SGCD: variants seen among roughly 807,000 people sequenced by gnomAD.
SGCD encodes delta-sarcoglycan.
Under a neutral mutation model 36.6 loss-of-function variants are expected in SGCD, and 18 were observed. That is an observed-to-expected ratio of 0.49 (90% confidence interval 0.34 to 0.73). The LOEUF is 0.73. Ranked by LOEUF, SGCD falls within the 30% of genes least tolerant of loss-of-function variation. SGCD has a pLI of 0.01. For synonymous variants in SGCD, 133 were observed against 130.6 expected (o/e 1.02, Z -0.12); for missense variants, 387 against 346.7 (o/e 1.12, Z -0.92).
chr5:156,655,554 T>C (rs951614057), intron 7 of SGCD, among the ~76,000 whole-genome samples: 7 of 152,146 alleles, frequency 4.6e-5, no homozygotes, highest in Admixed American at 4.6e-4. Flanking sequence ...AAAAACAAAA[T>C]GCTTTTCTCC....
chr5:156,667,774 A>G (rs1753113223), intron 7 of SGCD, among the ~76,000 whole-genome samples: 1 of 152,186 alleles, frequency 6.6e-6, no homozygotes, highest in Admixed American at 6.5e-5. Flanking sequence ...CTCAACAAAT[A>G]TTAGTTTTTT....
intron 3 of SGCD, among the ~76,000 whole-genome samples, chr5:156,220,482 T>C (rs1345026896): frequency 6.6e-6 from 1 of 152,210 alleles, no homozygotes; most frequent in African/African-American, 2.4e-5. Flanking sequence ...GAATACCATA[T>C]TGTGTCTTAA....
chr5:156,267,658 T>A (rs183496732), intron 3 of SGCD, among the ~76,000 whole-genome samples: 133 of 152,314 alleles, frequency 8.7e-4, no homozygotes, highest in Admixed American at 7.1e-3. Context: ...GGACAGCAAC[T>A]GATACACACT....
intron 1 of SGCD, among the ~76,000 whole-genome samples, chr5:155,892,459 GAAAAAAAA>G (rs70981989): frequency 3.2e-5 from 3 of 94,312 alleles, no homozygotes; most frequent in Admixed American, 1.3e-4. Context: ...ATCTGAAAAA[GAAAAAAAA>G]AAAAAAAAAA....
chr5:156,447,881 T>C (rs1162527285), intron 3 of SGCD, among the ~76,000 whole-genome samples: 1 of 152,204 alleles, frequency 6.6e-6, no homozygotes, highest in African/African-American at 2.4e-5. Flanking sequence ...AAGTGCTTTA[T>C]GATTGTATTT....
chr5:156,083,688 T>C (rs2127592203), intron 1 of SGCD, among the ~76,000 whole-genome samples: 1 of 152,194 alleles, frequency 6.6e-6, no homozygotes, highest in African/African-American at 2.4e-5. Flanking sequence ...TTTTCTCCTT[T>C]TTTCCTAAAA....
intron 1 of SGCD, among the ~76,000 whole-genome samples, chr5:155,896,472 C>CAA (rs34729768): frequency 8.8e-5 from 11 of 125,156 alleles, no homozygotes; most frequent in South Asian, 2.6e-4. Flanking sequence ...CCTGTCTCTA[C>CAA]AAAAAAAAAA....
chr5:155,980,461 G>T (rs1029712901), intron 1 of SGCD, among the ~76,000 whole-genome samples: 3 of 151,472 alleles, frequency 2.0e-5, no homozygotes, highest in African/African-American at 7.3e-5. Context: ...GGTGGCAGAC[G>T]CCTGTAGACC....
At chr5:156,689,903 C>T (rs1754047087) in intron 7 of SGCD, among the ~76,000 whole-genome samples, 1 of 152,176 alleles carries the variant, frequency 6.6e-6, no homozygotes, top group East Asian at 1.9e-4. Context: ...TTATTTATAG[C>T]AGCCTAGAGA....
At position 155,904,339 on chromosome 5, in the gene SGCD, A is replaced by G. The variant is rs112327002; in HGVS notation, c.-282+33915A>G. The stretch of plus-strand genomic sequence containing the variant: ...GGCTTCTTTGCAGAGCTTCAACCTC[A>G]TTTGTAAAAATTGTGGCAAAATACA... On this transcript the variant is annotated intron_variant, in intron 1 of 9. Transcript: ENST00000517913. 4.6e-3 allele frequency among the ~76,000 whole-genome samples: 706 copies of G among 152,322 alleles called. 2 individuals carry two copies. The highest frequency in any genetic ancestry group is 6.4e-3 in the Non-Finnish European group (435 of 68,022).
At chr5:156,124,103 C>G (rs1163401298) in intron 3 of SGCD, 1 of 152,146 alleles carries the variant, frequency 6.6e-6, no homozygotes, top group African/African-American at 2.4e-5. Context: ...TTTCTCCTCC[C>G]CCTTTCCCTG....
intron 3 of SGCD, among the ~76,000 whole-genome samples, chr5:156,209,536 C>G (rs1446149364): frequency 6.6e-6 from 1 of 152,194 alleles, no homozygotes; most frequent in Non-Finnish European, 1.5e-5. Flanking sequence ...TCATGTGGCA[C>G]AACATTCCAG....
chr5:156,393,471 A>G (rs150452976), intron 3 of SGCD, among the ~76,000 whole-genome samples: 13 of 152,378 alleles, frequency 8.5e-5, no homozygotes, highest in Non-Finnish European at 1.3e-4. Context: ...TAAATACTCA[A>G]AACTCATTTC....
chr5:156,688,118 C>T (rs561624857), intron 7 of SGCD, among the ~76,000 whole-genome samples: 1 of 152,180 alleles, frequency 6.6e-6, no homozygotes, highest in African/African-American at 2.4e-5. Context: ...ATTAGGTAAA[C>T]TCGTGTCGCG....
intron 1 of SGCD, among the ~76,000 whole-genome samples, chr5:156,011,674 G>C (rs1007981038): frequency 6.6e-6 from 1 of 152,108 alleles, no homozygotes; most frequent in Non-Finnish European, 1.5e-5. Flanking sequence ...TCCTGACCTC[G>C]TGATCCACCT....
intron 1 of SGCD, among the ~76,000 whole-genome samples, chr5:155,985,451 G>A (rs552201869): frequency 5.9e-5 from 9 of 152,008 alleles, no homozygotes; most frequent in African/African-American, 1.9e-4. Flanking sequence ...TCTTCTTTCC[G>A]CCTCCTCTTT....
intron 4 of SGCD, among the ~76,000 whole-genome samples, chr5:156,520,041 A>G (rs1757334664): frequency 6.6e-6 from 1 of 152,204 alleles, no homozygotes; most frequent in Non-Finnish European, 1.5e-5. Context: ...GAAAGAAATA[A>G]AGCATATTCA....
At chr5:156,713,614 C>A (rs575726947) in intron 7 of SGCD, among the ~76,000 whole-genome samples, 2 of 152,176 alleles carry the variant, frequency 1.3e-5, no homozygotes, top group Non-Finnish European at 2.9e-5. Flanking sequence ...GATAAGAGGT[C>A]CTCAGAGAAA....
intron 7 of SGCD, among the ~76,000 whole-genome samples, chr5:156,714,984 A>G (rs538532460): frequency 5.3e-4 from 80 of 152,304 alleles, no homozygotes; most frequent in African/African-American, 1.9e-3. Context: ...CGTTGACTGG[A>G]GAAACAGAGA....
Sources: gnomAD v4.1 joint callset for allele counts (sites outside exome capture counted in the v4.1 genomes callset) on GRCh38, gnomAD v4.1.1 for gene constraint, MANE v1.5 for transcripts, NCBI Gene and HGNC (gene_info 2026-07-23, HGNC 2026-07-21) for gene names.